LRRC4C: variants seen among roughly 807,000 people sequenced by gnomAD.
The protein encoded by LRRC4C is leucine-rich repeat-containing protein 4C.
A neutral mutation model predicts 33.6 loss-of-function variants in LRRC4C; 5 were observed. The observed-to-expected ratio is 0.15, with a 90% CI of 0.08 to 0.31. The LOEUF (loss-of-function observed/expected upper bound fraction) is 0.31, where lower values mean the gene tolerates loss of function less well. LRRC4C is among the 10% of genes least tolerant of loss of function. LRRC4C has a pLI of 1.00. For synonymous variants in LRRC4C, 329 were observed against 302.0 expected, an observed-to-expected ratio of 1.09 and a Z score of -0.93; for missense variants, 560 against 796.7, an observed-to-expected ratio of 0.70 and a Z score of 3.58.
chr11:41,022,142 T>TATATATATATA (rs1565309607), intron 1 of LRRC4C, among the ~76,000 whole-genome samples: 2 of 139,080 alleles, frequency 1.4e-5, no homozygotes, highest in African/African-American at 5.5e-5. Context: ...CAATTTTGTT[T>TATATATATATA]TATATATATA....
chr11:41,400,825 T>C (rs954058269), intron 1 of LRRC4C, among the ~76,000 whole-genome samples: 2 of 151,900 alleles, frequency 1.3e-5, no homozygotes, highest in Non-Finnish European at 2.9e-5. Context: ...ATATTCTTAC[T>C]AGAGTTTATT....
At chr11:40,774,958 A>G (rs1949921588) in intron 2 of LRRC4C, among the ~76,000 whole-genome samples, 1 of 152,082 alleles carries the variant, frequency 6.6e-6, no homozygotes. Context: ...CTGTTTTCAA[A>G]TTAAAAATAT....
chr11:40,586,187 C>G (rs1182803176), intron 3 of LRRC4C, among the ~76,000 whole-genome samples: 1 of 151,958 alleles, frequency 6.6e-6, no homozygotes, highest in Non-Finnish European at 1.5e-5. Flanking sequence ...GAGATGGTAT[C>G]TCATTGTGGT....
At chr11:41,272,055 T>G (rs1177032736) in intron 1 of LRRC4C, among the ~76,000 whole-genome samples, 1 of 152,160 alleles carries the variant, frequency 6.6e-6, no homozygotes, top group Non-Finnish European at 1.5e-5. Flanking sequence ...CCCACATTCT[T>G]TCAAATAACT....
rs1245669264 is a variant in LRRC4C, at chr11:41,118,214, C to A, written c.-495-184491G>T. On this transcript the variant is annotated intron_variant, in intron 1 of 6. Transcript: ENST00000528697. ...TCCAGTAGGCTGCTGAAGCACAATG[C>A]TGTTTTTCTAGCTGATTATGCACAT... 2.0e-5 allele frequency among the ~76,000 whole-genome samples: 3 copies of A among 152,260 alleles called. No homozygotes were observed. The East Asian group carries it at 5.8e-4, about 29-fold the overall frequency.
At chr11:40,375,747 G>A (rs759100207) in intron 3 of LRRC4C, among the ~76,000 whole-genome samples, 17 of 152,130 alleles carry the variant, frequency 1.1e-4, no homozygotes, top group Non-Finnish European at 2.1e-4. Context: ...CGTAGACACA[G>A]ATTCACTTCC....
Position 41,120,213 on chromosome 11 carries a change from C to T in LRRC4C, c.-495-186490G>A, listed in dbSNP as rs957995810. On this transcript the variant is annotated intron_variant, in intron 1 of 6. Transcript: ENST00000528697. ...GAGGCTGAGCAGCCAGAAAAAAACT[C>T]ACAAATTTTTACTATAAATGAAATA... 2.0e-5 allele frequency among the ~76,000 whole-genome samples: 3 copies of T among 152,254 alleles called. No individual in the cohort carries two copies. The East Asian group carries it at 5.8e-4, about 29-fold the overall frequency.
Position 40,962,008 on chromosome 11 carries a change from G to C in LRRC4C, c.-495-28285C>G, listed in dbSNP as rs572709193. Among the ~76,000 whole-genome samples, 18 of 151,528 alleles carry C rather than the reference G, an allele frequency of 1.2e-4. No homozygotes were observed. The South Asian group carries it at 3.5e-3, about 30-fold the overall frequency. On this transcript the variant is annotated intron_variant, in intron 1 of 6. Coordinates refer to ENST00000528697, the MANE Select transcript of LRRC4C (RefSeq NM_001258419.2). ...GACCCAGAAACTGACTGATCTCCAAGGTCTAAAATATTTACACTCTGGCCT... is the reference window on the plus strand; with the variant it reads ...GACCCAGAAACTGACTGATCTCCAACGTCTAAAATATTTACACTCTGGCCT...
chr11:41,149,642 C>G (rs543026474), intron 1 of LRRC4C, among the ~76,000 whole-genome samples: 1 of 151,742 alleles, frequency 6.6e-6, no homozygotes, highest in South Asian at 2.1e-4. Context: ...TTCCTGGGCA[C>G]AGATAGGATA....
chr11:40,645,054 C>A (rs1005163175), intron 3 of LRRC4C, among the ~76,000 whole-genome samples: 1 of 151,982 alleles, frequency 6.6e-6, no homozygotes, highest in African/African-American at 2.4e-5. Context: ...TGTATCTCTA[C>A]TGCACGGCAA....
intron 3 of LRRC4C, among the ~76,000 whole-genome samples, chr11:40,566,116 G>A (rs1056806197): frequency 2.4e-5 from 1 of 41,328 alleles, no homozygotes; most frequent in Non-Finnish European, 5.1e-5. Flanking sequence ...TTTTACTTAT[G>A]TCACTTTTTT....
chr11:40,359,243 A>G (rs1947833967), intron 3 of LRRC4C, among the ~76,000 whole-genome samples: 1 of 152,222 alleles, frequency 6.6e-6, no homozygotes, highest in African/African-American at 2.4e-5. Context: ...ATAGCAAGCT[A>G]TGAATTAGGC....
chr11:40,672,094 G>A (rs190248783), intron 2 of LRRC4C, among the ~76,000 whole-genome samples: 1 of 152,276 alleles, frequency 6.6e-6, no homozygotes, highest in African/African-American at 2.4e-5. Context: ...CATAGACTGG[G>A]TGATTTATAA....
intron 1 of LRRC4C, among the ~76,000 whole-genome samples, chr11:41,381,713 T>G (rs552512864): frequency 6.6e-6 from 1 of 151,602 alleles, no homozygotes; most frequent in Non-Finnish European, 1.5e-5. Flanking sequence ...AAGTTTCAAG[T>G]AGAATTTTTG....
At chr11:41,062,109 T>C (rs1465888890) in intron 1 of LRRC4C, among the ~76,000 whole-genome samples, 1 of 152,258 alleles carries the variant, frequency 6.6e-6, no homozygotes. Context: ...AAAAACTTAT[T>C]ATAATTTCAG....
At chr11:40,885,957 C>G (rs1293866784) in intron 2 of LRRC4C, among the ~76,000 whole-genome samples, 1 of 152,026 alleles carries the variant, frequency 6.6e-6, no homozygotes, top group Non-Finnish European at 1.5e-5. Context: ...AGCAAGCAGA[C>G]AGGCCTCTCC....
intron 2 of LRRC4C, among the ~76,000 whole-genome samples, chr11:40,785,587 C>T (rs1407944958): frequency 6.6e-6 from 1 of 152,134 alleles, no homozygotes; most frequent in Admixed American, 6.6e-5. Flanking sequence ...ACATAGGAAT[C>T]AGACACTATG....
chr11:41,437,334 C>G (rs1230464038), intron 1 of LRRC4C, among the ~76,000 whole-genome samples: 1 of 152,070 alleles, frequency 6.6e-6, no homozygotes, highest in Non-Finnish European at 1.5e-5. Context: ...CCAATATTAT[C>G]TCCAAACTTT....
intron 1 of LRRC4C, among the ~76,000 whole-genome samples, chr11:41,112,469 A>G (rs1941890318): frequency 6.6e-6 from 1 of 152,044 alleles, no homozygotes; most frequent in Non-Finnish European, 1.5e-5. Flanking sequence ...CAGATCTTTA[A>G]TCTCTTTCTC....
Sources: allele counts gnomAD v4.1 joint callset (sites outside exome capture counted in the v4.1 genomes callset), GRCh38; gene constraint gnomAD v4.1.1; transcripts MANE v1.5; gene names NCBI Gene and HGNC (gene_info 2026-07-23, HGNC 2026-07-21).